RFLNA: variants seen among roughly 807,000 people sequenced by gnomAD.
RFLNA encodes refilin A.
In RFLNA, 5 loss-of-function variants were observed where a neutral mutation model predicts 7.8. The observed-to-expected ratio is 0.64, with a 90% CI of 0.34 to 1.35. RFLNA has a LOEUF of 1.35. Ranked by LOEUF, RFLNA falls within the 40% of genes most tolerant of loss-of-function variation. The pLI is 0.04. For missense variants in RFLNA, 278 were observed against 305.5 expected, an observed-to-expected ratio of 0.91 and a Z score of 0.67; for synonymous variants, 141 against 131.3, an observed-to-expected ratio of 1.07 and a Z score of -0.50.
At chr12:124,305,248 G>A (rs1015333512) in intron 1 of RFLNA, among the ~76,000 whole-genome samples, 12 of 152,190 alleles carry the variant, frequency 7.9e-5, no homozygotes, top group African/African-American at 2.9e-4. Context: ...TCCCCCTTGC[G>A]GGCCCACTGG....
rs2033888244 is a variant in RFLNA at position 124,295,378 on chromosome 12, G to A, written c.-52G>A. ...CCGCCTGCCCCGGGCCCCGGAGCGC[G>A]GTGGAGAAGCCCCCGGAGGAGCGGG... is the stretch of plus-strand genomic sequence containing the variant. On this transcript the variant is annotated 5_prime_UTR_variant, in exon 1 of 3. Coordinates refer to ENST00000546355, the MANE Select transcript of RFLNA (RefSeq NM_001365156.1). 1.6e-5 allele frequency: 18 copies of A among 1,102,980 alleles called. No individual in the cohort carries two copies. The highest frequency in any genetic ancestry group is 4.3e-5 in the Admixed American group (1 of 23,002). 68.3% of individuals were successfully genotyped at this position (1,102,980 alleles called of 1,614,324 possible).
chr12:124,316,024 A>G lies in RFLNA; in HGVS notation c.*1499A>G, dbSNP rs1467056272. 6.6e-6 allele frequency: 1 copy of G among 152,250 alleles called. No homozygotes were observed. Among genetic ancestry groups the G allele is most frequent in the East Asian group, 1.9e-4 (1 of 5,198 alleles). 9.4% of individuals were successfully genotyped at this position (152,250 alleles called of 1,614,324 possible). The stretch of plus-strand genomic sequence containing the variant: ...TATCTTAATAAACTGTGCAAACCCA[A>G]CGGGACTTCCTTTTCTGTCTGTGAG... On this transcript the variant is annotated 3_prime_UTR_variant, in exon 3 of 3. Coordinates refer to ENST00000546355, the MANE Select transcript of RFLNA (RefSeq NM_001365156.1).
rs1566319461 is a variant in RFLNA at position 124,295,362 on chromosome 12, C to T, written c.-68C>T. ...AGCTCTCGCCCCGCCGCCGCCTGCC[C>T]CGGGCCCCGGAGCGCGGTGGAGAAG... is the stretch of plus-strand genomic sequence containing the variant. On this transcript the variant is annotated 5_prime_UTR_variant, in exon 1 of 3. Transcript: ENST00000546355. 1 of 1,004,208 alleles carries T rather than the reference C, an allele frequency of 1.0e-6. No individual in the cohort carries two copies. Among genetic ancestry groups the T allele is most frequent in the Non-Finnish European group, 1.3e-6 (1 of 784,914 alleles). 62.2% of individuals were successfully genotyped at this position (1,004,208 alleles called of 1,614,324 possible).
Position 124,314,840 on chromosome 12 carries a change from T to G in RFLNA, c.*315T>G. ...GGGTCAGGGGAAAAGAATGGGTCCA[T>G]GGAGTGCCCTTGAAGCAGAGAACAG... On this transcript the variant is annotated 3_prime_UTR_variant, in exon 3 of 3. Coordinates refer to ENST00000546355, the MANE Select transcript of RFLNA (RefSeq NM_001365156.1). 2 of 551,050 alleles carry G rather than the reference T, an allele frequency of 3.6e-6. No homozygotes were observed. The highest frequency in any genetic ancestry group is 6.9e-6 in the Non-Finnish European group (2 of 289,830). 34.1% of individuals were successfully genotyped at this position (551,050 alleles called of 1,614,324 possible). A position where few individuals can be genotyped will look rare whatever the true frequency, so the allele number is the denominator to read the frequency against.
At position 124,307,378 on chromosome 12, in the gene RFLNA, AC is replaced by A. The variant is rs201722092; in HGVS notation, c.208-4435del. Among the ~76,000 whole-genome samples, 852 of 152,072 alleles carry A rather than the reference AC, an allele frequency of 5.6e-3. 8 individuals carry two copies. Among genetic ancestry groups the A allele is most frequent in the African/African-American group, 0.02 (818 of 41,468 alleles). ...CTTCTTCCCCCAGGAGGTGACTCCC[AC>A]CCCCAGGAGTGGGGCAGCCAGTGAC... On this transcript the variant is annotated intron_variant, in intron 1 of 2. Transcript: ENST00000546355.
At chr12:124,290,405 TG>T (rs1222311314), upstream of RFLNA, among the ~76,000 whole-genome samples, 1 of 152,212 alleles carries the variant, frequency 6.6e-6, no homozygotes, top group African/African-American at 2.4e-5. This position sits in a 1 kb window ranked among gnomAD's most constrained non-coding sequence, Gnocchi z 4.0. Context: ...TGTTTACCTG[TG>T]TATATGTAGG....
rs765000215 is a variant in RFLNA, at chr12:124,314,244, T to G, written c.370T>G (p.Phe124Val). Residue 124 changes from phenylalanine (F) to valine (V), a missense_variant, in exon 3 of 3, where the codon TTC (phenylalanine) becomes GTC (valine). Physicochemically the swap from Phe to Val is conservative, Grantham distance 50 (BLOSUM62 -1). Transcript: ENST00000546355. ...GGAGAAGCATTTCCAGGACAAGGTCTTCTATGCGCCCGTACCCACCGTCAC... is the reference window on the plus strand; with the variant it reads ...GGAGAAGCATTTCCAGGACAAGGTCGTCTATGCGCCCGTACCCACCGTCAC... Reference protein sequence around the residue: ...ASEKHFQDKVFYAPVPTVTAY... With the variant: ...ASEKHFQDKVVYAPVPTVTAY... The G allele has an allele frequency of 1.1e-5, 18 of 1,613,602 alleles. 1 individual carries two copies. The South Asian group carries it at 2.0e-4, about 18-fold the overall frequency.
Position 124,315,475 on chromosome 12 carries a change from G to C in RFLNA, c.*950G>C, listed in dbSNP as rs985689763. 1 of 152,264 alleles carries C rather than the reference G, an allele frequency of 6.6e-6. No homozygotes were observed. The highest frequency in any genetic ancestry group is 2.4e-5 in the African/African-American group (1 of 41,454). The allele number at this position is 152,264 out of a possible 1,614,324, so 9.4% of individuals were successfully genotyped here. ...GGTTTAAAGAGACACTGAGGGGACCGGGCTGCCGCCCTCAGCCTGCATTCC... is the reference window on the plus strand; with the variant it reads ...GGTTTAAAGAGACACTGAGGGGACCCGGCTGCCGCCCTCAGCCTGCATTCC... On this transcript the variant is annotated 3_prime_UTR_variant, in exon 3 of 3. Coordinates refer to ENST00000546355, the MANE Select transcript of RFLNA (RefSeq NM_001365156.1).
intron 1 of RFLNA, among the ~76,000 whole-genome samples, chr12:124,299,292 G>A (rs895983473): frequency 2.6e-5 from 4 of 152,276 alleles, no homozygotes; most frequent in Admixed American, 6.5e-5. Context: ...TGCCCACTGG[G>A]CCTGGTGGCA....
chr12:124,298,721 T>G (rs745625917), intron 1 of RFLNA, among the ~76,000 whole-genome samples: 1 of 152,218 alleles, frequency 6.6e-6, no homozygotes, highest in Non-Finnish European at 1.5e-5. Flanking sequence ...AGAAGTGTCC[T>G]TAAGGCCAGA....
intron 1 of RFLNA, among the ~76,000 whole-genome samples, chr12:124,307,805 A>G (rs937864360): frequency 1.3e-5 from 2 of 152,152 alleles, no homozygotes; most frequent in African/African-American, 4.8e-5. Context: ...CTATTCTCGC[A>G]CAGTTCCGGA....
chr12:124,290,652 A>T (rs936592722), upstream of RFLNA, among the ~76,000 whole-genome samples: 6 of 152,094 alleles, frequency 3.9e-5, no homozygotes, highest in African/African-American at 1.4e-4. The surrounding 1 kb of genome is among the most constrained non-coding windows in gnomAD (Gnocchi z 4.0). Context: ...AAATGTATTG[A>T]TTATCTTGGT....
chr12:124,301,503 C>G (rs1282731453), intron 1 of RFLNA, among the ~76,000 whole-genome samples: 1 of 152,168 alleles, frequency 6.6e-6, no homozygotes, highest in African/African-American at 2.4e-5. Flanking sequence ...GCTCGGCCTC[C>G]CTGCGGGGCA....
intron 1 of RFLNA, among the ~76,000 whole-genome samples, chr12:124,308,671 T>C (rs977248287): frequency 2.0e-5 from 3 of 152,174 alleles, no homozygotes; most frequent in African/African-American, 7.2e-5. Context: ...CTCCCCATTT[T>C]CACACAGGCA....
chr12:124,295,359 G>A lies in RFLNA; in HGVS notation c.-71G>A. 1.0e-6 allele frequency: 1 copy of A among 966,820 alleles called. No homozygotes were observed. 59.9% of individuals were successfully genotyped at this position (966,820 alleles called of 1,614,324 possible). ...CGCAGCTCTCGCCCCGCCGCCGCCTGCCCCGGGCCCCGGAGCGCGGTGGAG... is the reference window on the plus strand; with the variant it reads ...CGCAGCTCTCGCCCCGCCGCCGCCTACCCCGGGCCCCGGAGCGCGGTGGAG... On this transcript the variant is annotated 5_prime_UTR_variant, in exon 1 of 3. Transcript: ENST00000546355.
At chr12:124,292,526 A>G (rs947150041), upstream of RFLNA, among the ~76,000 whole-genome samples, 2 of 152,168 alleles carry the variant, frequency 1.3e-5, no homozygotes, top group South Asian at 2.1e-4. Context: ...CCGGCTTTCA[A>G]TTGAGGGGCG....
rs921083394 is a variant in RFLNA at position 124,289,375 on chromosome 12, G to A, written c.-37+5G>A. 1 of 152,218 alleles carries A rather than the reference G, an allele frequency of 6.6e-6. No homozygotes were observed. Among genetic ancestry groups the A allele is most frequent in the Non-Finnish European group, 1.5e-5 (1 of 68,052 alleles). 9.4% of individuals were successfully genotyped at this position (152,218 alleles called of 1,614,324 possible). ...GTCTTTGCCCGGAGCTGTGAGGTGAGTCCAGCAGCCCCACTGTGGAGTGGG... is the reference window on the plus strand; with the variant it reads ...GTCTTTGCCCGGAGCTGTGAGGTGAATCCAGCAGCCCCACTGTGGAGTGGG... On this transcript the variant is annotated splice_donor_5th_base_variant and intron_variant, in intron 1 of 2. Transcript: ENST00000324038. The surrounding 1 kb of genome is among the most constrained non-coding windows in gnomAD (Gnocchi z 5.0).
At chr12:124,290,222 G>A (rs114710734), upstream of RFLNA, among the ~76,000 whole-genome samples, 644 of 152,312 alleles carry the variant, frequency 4.2e-3, 4 homozygotes, top group African/African-American at 0.014. The surrounding 1 kb of genome is among the most constrained non-coding windows in gnomAD (Gnocchi z 4.0). Flanking sequence ...ATGTGTGTGT[G>A]TATGTGTGTA....
intron 1 of RFLNA, among the ~76,000 whole-genome samples, chr12:124,310,586 G>A (rs1037164962): frequency 1.4e-5 from 2 of 147,044 alleles, no homozygotes; most frequent in African/African-American, 2.6e-5. Flanking sequence ...AGGATGGGGT[G>A]GGGGTCCTTA....
Sources: allele counts gnomAD v4.1 joint callset (sites outside exome capture counted in the v4.1 genomes callset), GRCh38; gene constraint gnomAD v4.1.1; non-coding constraint Gnocchi (gnomAD v3.1); transcripts MANE v1.5; gene names NCBI Gene and HGNC (gene_info 2026-07-23, HGNC 2026-07-21).